Variants in DEFB121 observed in about 807,000 individuals in gnomAD.
DEFB121 encodes defensin beta 121, also known as beta-defensin 121.
In DEFB121, 5 loss-of-function variants were observed where a neutral mutation model predicts 2.5. That is an observed-to-expected ratio of 1.96 (90% confidence interval 1.03 to 4.13). The LOEUF (loss-of-function observed/expected upper bound fraction) is 4.13. DEFB121 is among the 30% of genes most tolerant of loss of function. DEFB121 has a pLI of 0.00. For synonymous variants in DEFB121, 39 were observed against 32.6 expected (o/e 1.20, Z -0.67); for missense variants, 87 against 85.0 (o/e 1.02, Z -0.09).
upstream of DEFB121, among the ~76,000 whole-genome samples, chr20:31,417,623 C>T (rs1978843329): frequency 6.6e-6 from 1 of 151,930 alleles, no homozygotes; most frequent in African/African-American, 2.4e-5. Flanking sequence ...ATTGACAGGG[C>T]CCACCGAGTG....
At chr20:31,406,321 G>A, upstream of DEFB121, 8 of 1,389,418 alleles carry the variant, frequency 5.8e-6, no homozygotes, top group South Asian at 1.2e-4. Flanking sequence ...AGGCAGGCAA[G>A]GAAGGTATCA....
rs753970007 is a variant in DEFB121 at position 31,406,135 on chromosome 20, CAGA to C, written c.15_17del (p.Leu8del). On this transcript the variant is annotated inframe_deletion, in exon 1 of 2. Coordinates refer to ENST00000376314, the MANE Select transcript of DEFB121 (RefSeq NM_001011878.3). ...CCAGGAGCAGAGTAACAGTCAAAAG[CAGA>C]AGAAGGAGCTTCATGAATGATGAAT... is the stretch of plus-strand genomic sequence containing the variant. 2.0e-5 allele frequency: 32 copies of C among 1,614,106 alleles called. No homozygotes were observed. The South Asian group carries it at 3.2e-4, about 16-fold the overall frequency.
At chr20:31,407,871 G>C (rs188842860), upstream of DEFB121, among the ~76,000 whole-genome samples, 2 of 152,096 alleles carry the variant, frequency 1.3e-5, no homozygotes, top group African/African-American at 2.4e-5. Flanking sequence ...TCTGCCCCCC[G>C]GGTTCAAGCA....
At chr20:31,414,709 T>C (rs546088888), upstream of DEFB121, among the ~76,000 whole-genome samples, 5 of 151,940 alleles carry the variant, frequency 3.3e-5, no homozygotes, top group Admixed American at 1.3e-4. Flanking sequence ...GTGAGGGAAA[T>C]TAGGAATTAC....
upstream of DEFB121, among the ~76,000 whole-genome samples, chr20:31,413,590 C>T (rs1978721463): frequency 1.3e-5 from 2 of 152,176 alleles, no homozygotes; most frequent in East Asian, 1.9e-4. Flanking sequence ...GACTGAGTAG[C>T]CACTCATTTG....
upstream of DEFB121, among the ~76,000 whole-genome samples, chr20:31,414,079 T>C (rs1228398541): frequency 6.6e-6 from 1 of 152,112 alleles, no homozygotes; most frequent in Non-Finnish European, 1.5e-5. Context: ...TGGTGGCACA[T>C]GCCTGTAATC....
At chr20:31,418,259 CAAA>C in the DEFB121 span, among the ~76,000 whole-genome samples, 169 of 82,922 alleles carry the variant, frequency 2.0e-3, no homozygotes, top group African/African-American at 4.0e-3. Context: ...GACTCCGTCT[CAAA>C]AAAAAAAAAA....
At chr20:31,408,970 G>A (rs1425265910), upstream of DEFB121, among the ~76,000 whole-genome samples, 1 of 151,764 alleles carries the variant, frequency 6.6e-6, no homozygotes, top group Non-Finnish European at 1.5e-5. Flanking sequence ...AGGTTGCAGT[G>A]AGCCGAGATG....
At position 31,412,001 on chromosome 20, in the gene DEFB121, A is replaced by C. The variant is rs140511339; in HGVS notation, n.217+621T>G. 9.2e-5 allele frequency among the ~76,000 whole-genome samples: 14 copies of C among 152,358 alleles called. No individual in the cohort carries two copies. The East Asian group carries it at 2.1e-3, about 23-fold the overall frequency. On this transcript the variant is annotated intron_variant and non_coding_transcript_variant, in intron 1 of 1. Transcript: ENST00000376312. ...TGACTCTTGCTTTGGCCCATAAGTC[A>C]TAAGTGACCCTAACTGAAGAGTTTG...
chr20:31,416,203 G>A (rs1189854995), upstream of DEFB121, among the ~76,000 whole-genome samples: 2 of 152,156 alleles, frequency 1.3e-5, no homozygotes, highest in African/African-American at 4.8e-5. Context: ...TGGGACTACA[G>A]GTGTGCGCCA....
upstream of DEFB121, among the ~76,000 whole-genome samples, chr20:31,415,061 T>C (rs192611520): frequency 3.3e-3 from 503 of 152,276 alleles, 5 homozygotes; most frequent in African/African-American, 0.012. Context: ...AGTCAGACCC[T>C]GTCTCAAAAA....
At chr20:31,409,050 A>G (rs1342833845), upstream of DEFB121, among the ~76,000 whole-genome samples, 1 of 152,040 alleles carries the variant, frequency 6.6e-6, no homozygotes, top group East Asian at 1.9e-4. Context: ...GTACCAAGGC[A>G]AACAGATCAC....
upstream of DEFB121, among the ~76,000 whole-genome samples, chr20:31,409,271 T>TAA (rs1287355961): frequency 6.6e-6 from 1 of 152,312 alleles, no homozygotes; most frequent in South Asian, 2.1e-4. Context: ...TTATCAAAGA[T>TAA]AAATGAAGAC....
At chr20:31,418,239 G>A in the DEFB121 span, among the ~76,000 whole-genome samples, 1 of 120,108 alleles carries the variant, frequency 8.3e-6, no homozygotes, top group African/African-American at 3.0e-5. Flanking sequence ...CAGCCTGGGC[G>A]ACAGAGCGAG....
chr20:31,418,421 G>A, the DEFB121 span, among the ~76,000 whole-genome samples: 1 of 152,120 alleles, frequency 6.6e-6, no homozygotes, highest in Non-Finnish European at 1.5e-5. Flanking sequence ...TTTCTCCACA[G>A]TAAAGAGGTA....
upstream of DEFB121, among the ~76,000 whole-genome samples, chr20:31,408,191 C>T (rs1978547319): frequency 6.6e-6 from 1 of 152,184 alleles, no homozygotes; most frequent in East Asian, 1.9e-4. Flanking sequence ...TGCCTGTAAT[C>T]CCCACAATTC....
At chr20:31,405,182 G>A in intron 1 of DEFB121, 97 bp from the exon 2 acceptor site, 3 of 1,209,688 alleles carry the variant, frequency 2.5e-6, no homozygotes, top group Middle Eastern at 2.0e-4. Context: ...GAGTAGGAGG[G>A]AAATGAGGAG....
At chr20:31,412,605 T>C in intron 1 of DEFB121, 1 of 1,290,794 alleles carries the variant, frequency 7.7e-7, no homozygotes, top group Non-Finnish European at 1.0e-6. Context: ...TTACTGTTAT[T>C]TACTATGAAT....
chr20:31,405,236 G>A (rs1978438739), intron 1 of DEFB121, 151 bp from the exon 2 acceptor site: 1 of 744,276 alleles, frequency 1.3e-6, no homozygotes, highest in East Asian at 2.8e-5. Context: ...CTAAGTTTAA[G>A]GGAGATTATA....
Sources: allele counts gnomAD v4.1 joint callset (sites outside exome capture counted in the v4.1 genomes callset), GRCh38; gene constraint gnomAD v4.1.1; transcripts MANE v1.5; gene names NCBI Gene and HGNC (gene_info 2026-07-23, HGNC 2026-07-21).